The following THSD7B variants were observed in gnomAD, a reference collection of about 807,000 sequenced individuals.
The protein encoded by THSD7B is thrombospondin type-1 domain-containing protein 7B.
Under a neutral mutation model 213.6 loss-of-function variants are expected in THSD7B, and 138 were observed. That is an observed-to-expected ratio of 0.65 (90% CI 0.56 to 0.74). The LOEUF (loss-of-function observed/expected upper bound fraction) is 0.74, where lower values mean the gene tolerates loss of function less well. THSD7B is among the 30% of genes least tolerant of loss of function. The pLI is 0.00. For synonymous variants in THSD7B, 742 were observed against 687.0 expected (o/e 1.08, Z -1.25); for missense variants, 1,931 against 1,991.5 (o/e 0.97, Z 0.58).
At chr2:136,847,667 C>G (rs572604323) in intron 1 of THSD7B, among the ~76,000 whole-genome samples, 19 of 152,078 alleles carry the variant, frequency 1.2e-4, no homozygotes, top group African/African-American at 4.6e-4. Context: ...ACACAGAATC[C>G]CTTTGCTTGA....
intron 15 of THSD7B, among the ~76,000 whole-genome samples, chr2:137,533,989 C>T (rs377372702): frequency 3.0e-4 from 44 of 145,888 alleles, no homozygotes; most frequent in East Asian, 1.2e-3. Flanking sequence ...AATAACTGCC[C>T]GTGCACATGT....
intron 1 of THSD7B, among the ~76,000 whole-genome samples, chr2:136,776,241 T>C (rs1681600944): frequency 6.6e-6 from 1 of 152,158 alleles, no homozygotes; most frequent in Admixed American, 6.5e-5. Flanking sequence ...TTTCCCAGCA[T>C]TGTTTGGATT....
intron 7 of THSD7B, among the ~76,000 whole-genome samples, chr2:137,225,915 T>C (rs1681488031): frequency 6.6e-6 from 1 of 151,868 alleles, no homozygotes; most frequent in Non-Finnish European, 1.5e-5. Context: ...TTTTGTTCCA[T>C]ATTTTATTGG....
intron 12 of THSD7B, among the ~76,000 whole-genome samples, chr2:137,355,385 A>G (rs978961677): frequency 3.9e-5 from 6 of 152,188 alleles, no homozygotes; most frequent in African/African-American, 1.4e-4. Context: ...AATAAATGAG[A>G]TAGAAACTAT....
At chr2:136,876,059 G>A (rs966300883) in intron 1 of THSD7B, among the ~76,000 whole-genome samples, 2 of 152,232 alleles carry the variant, frequency 1.3e-5, no homozygotes, top group Non-Finnish European at 2.9e-5. Flanking sequence ...CTGAATGGCC[G>A]TGAGAATGGA....
intron 15 of THSD7B, among the ~76,000 whole-genome samples, chr2:137,480,481 C>T (rs761541456): frequency 6.6e-6 from 1 of 152,076 alleles, no homozygotes; most frequent in Non-Finnish European, 1.5e-5. Flanking sequence ...TCAAAGTACC[C>T]ATATAGGCCT....
At chr2:136,910,915 C>A (rs1343072857) in intron 2 of THSD7B, among the ~76,000 whole-genome samples, 1 of 151,676 alleles carries the variant, frequency 6.6e-6, no homozygotes, top group African/African-American at 2.4e-5. Context: ...CAAATTATAT[C>A]ATTTATTTTA....
In THSD7B at chr2:137,303,550, A is replaced by G. The variant is rs191098881; in HGVS notation, c.2500+27524A>G. ...GGTTCATAGAAAAGTTGAGAGATAC[A>G]TTAAGAAGTTGGGGTAGTCATTTAT... On this transcript the variant is annotated intron_variant, in intron 12 of 27. Coordinates refer to ENST00000409968, the MANE Select transcript of THSD7B (RefSeq NM_001316349.2). Among the ~76,000 whole-genome samples the G allele has an allele frequency of 3.8e-3, 569 of 151,028 alleles. 4 individuals carry two copies. Among genetic ancestry groups the G allele is most frequent in the African/African-American group, 0.011 (452 of 41,204 alleles).
intron 20 of THSD7B, among the ~76,000 whole-genome samples, chr2:137,629,006 C>T (rs1310255999): frequency 2.0e-5 from 3 of 152,202 alleles, no homozygotes; most frequent in South Asian, 2.1e-4. Flanking sequence ...ATTTTCATGT[C>T]TGTCTTTCTA....
intron 2 of THSD7B, among the ~76,000 whole-genome samples, chr2:136,961,222 T>C (rs1411274527): frequency 9.7e-6 from 1 of 102,998 alleles, no homozygotes; most frequent in East Asian, 8.1e-4. Flanking sequence ...TATTTTTCTT[T>C]TCTTTTTTTT....
chr2:137,336,471 A>C (rs1422957792), intron 12 of THSD7B, among the ~76,000 whole-genome samples: 1 of 152,188 alleles, frequency 6.6e-6, no homozygotes, highest in Non-Finnish European at 1.5e-5. Flanking sequence ...GCATCAGAAG[A>C]TAATTTACAG....
intron 12 of THSD7B, among the ~76,000 whole-genome samples, chr2:137,282,418 A>G (rs1480795532): frequency 6.6e-6 from 1 of 152,154 alleles, no homozygotes; most frequent in African/African-American, 2.4e-5. Flanking sequence ...ATTAGATCCC[A>G]TCTGTCAATG....
At chr2:137,572,619 T>G (rs1681379746) in intron 17 of THSD7B, 63 bp downstream of exon 17, 1 of 1,577,848 alleles carries the variant, frequency 6.3e-7, no homozygotes, top group African/African-American at 1.3e-5. Flanking sequence ...TTGTTCGTTG[T>G]GCATTCACAG....
At chr2:136,858,338 T>G (rs1683206440) in intron 1 of THSD7B, among the ~76,000 whole-genome samples, 1 of 152,182 alleles carries the variant, frequency 6.6e-6, no homozygotes, top group Non-Finnish European at 1.5e-5. Flanking sequence ...TATAGTTCTA[T>G]CCAATGTGGG....
Position 137,405,746 on chromosome 2 carries a change from C to G in THSD7B, c.2634C>G (p.Ser878=). The change falls in exon 13 of 28, where the codon TCC becomes TCG. Residue 878 remains serine (S), a synonymous_variant. Transcript: ENST00000409968. ...AAGACTGCACCTTCACTGCTTGGTC[C>G]AAGTTTACGCCCTGCTCCACGAACT... ...CREDCTFTAW[S]KFTPCSTNCE... is the part of the protein sequence containing the mutation. 6.2e-7 allele frequency: 1 copy of G among 1,613,612 alleles called. No homozygotes were observed. The highest frequency in any genetic ancestry group is 1.3e-5 in the African/African-American group (1 of 75,010).
At chr2:136,872,383 G>C (rs894407438) in intron 1 of THSD7B, among the ~76,000 whole-genome samples, 2 of 121,038 alleles carry the variant, frequency 1.7e-5, no homozygotes, top group Non-Finnish European at 3.4e-5. Context: ...TACTTTTTTC[G>C]GGGGGGTGGG....
chr2:137,614,208 C>T (rs540652769), intron 17 of THSD7B, among the ~76,000 whole-genome samples: 1 of 152,132 alleles, frequency 6.6e-6, no homozygotes, highest in Non-Finnish European at 1.5e-5. Flanking sequence ...GAACTATACC[C>T]ATCAGACTTA....
chr2:136,958,419 A>T (rs1685161973), intron 2 of THSD7B, among the ~76,000 whole-genome samples: 1 of 152,220 alleles, frequency 6.6e-6, no homozygotes, highest in South Asian at 2.1e-4. Context: ...GAACTCATTG[A>T]TTCAGATGTA....
chr2:137,411,768 T>C lies in THSD7B; in HGVS notation c.2855T>C (p.Val952Ala). ...GRREPHRGLR[V>A]QADSKECGEG... is the part of the protein sequence containing the mutation. ...AGGGAGCCTCACCGAGGACTGCGGG[T>C]ACAAGCAGACAGCAAAGAATGTGGA... Residue 952 changes from valine to alanine, a missense_variant, in exon 14 of 28, where the codon GTA becomes GCA. Physicochemically the swap from Val to Ala is moderately conservative, Grantham distance 64. Coordinates refer to ENST00000409968, the MANE Select transcript of THSD7B (RefSeq NM_001316349.2). 6.2e-7 allele frequency: 1 copy of C among 1,613,898 alleles called. No homozygotes were observed. The highest frequency in any genetic ancestry group is 8.5e-7 in the Non-Finnish European group (1 of 1,179,882).
Sources: allele counts gnomAD v4.1 joint callset (sites outside exome capture counted in the v4.1 genomes callset), GRCh38; gene constraint gnomAD v4.1.1; transcripts MANE v1.5; gene names NCBI Gene and HGNC (gene_info 2026-07-23, HGNC 2026-07-21).